The following LRRC37A2 variants were observed in gnomAD, a reference collection of about 807,000 sequenced individuals.
LRRC37A2 encodes leucine-rich repeat-containing protein 37A2.
LRRC37A2 carries 9 observed loss-of-function variants against 68.8 expected under a neutral mutation model. That is an observed-to-expected ratio of 0.13 (90% CI 0.08 to 0.23). LRRC37A2 has a LOEUF of 0.23. LRRC37A2 is among the 10% of genes least tolerant of loss of function. LRRC37A2 has a pLI of 1.00. For missense variants in LRRC37A2, 168 were observed against 950.4 expected (o/e 0.18, Z 10.82); for synonymous variants, 63 against 367.6 (o/e 0.17, Z 9.48).
the LRRC37A2 span, among the ~76,000 whole-genome samples, chr17:46,864,722 G>A: frequency 6.6e-6 from 1 of 152,102 alleles, no homozygotes; most frequent in Non-Finnish European, 1.5e-5. Flanking sequence ...AAACTGCCAG[G>A]CTTGGTGGAA....
the LRRC37A2 span, among the ~76,000 whole-genome samples, chr17:46,851,060 C>T: frequency 6.6e-6 from 1 of 152,240 alleles, no homozygotes; most frequent in Admixed American, 6.5e-5. This position sits in a 1 kb window ranked among gnomAD's most constrained non-coding sequence, Gnocchi z 4.3. Flanking sequence ...GCATTTCCCC[C>T]GCTTCCAGAG....
At chr17:46,823,369 C>A in the LRRC37A2 span, among the ~76,000 whole-genome samples, 1 of 150,758 alleles carries the variant, frequency 6.6e-6, no homozygotes, top group African/African-American at 2.4e-5. Flanking sequence ...TGCCCGCCAC[C>A]ACGCCTGACT....
chr17:46,769,765 G>A, the LRRC37A2 span: 82 of 1,608,154 alleles, frequency 5.1e-5, no homozygotes, highest in Admixed American at 4.0e-4. Flanking sequence ...AGGGTTTGGG[G>A]AGGGTAGCCG....
At chr17:46,657,293 T>C in the LRRC37A2 span, among the ~76,000 whole-genome samples, 5 of 141,496 alleles carry the variant, frequency 3.5e-5, no homozygotes, top group African/African-American at 1.0e-4. Context: ...TTTTGAAAAG[T>C]CAAATGTTAA....
At chr17:46,870,267 G>A in the LRRC37A2 span, among the ~76,000 whole-genome samples, 1 of 152,172 alleles carries the variant, frequency 6.6e-6, no homozygotes, top group Non-Finnish European at 1.5e-5. Context: ...GAGGACATTT[G>A]AGGGCAAGGT....
chr17:46,943,837 G>T, the LRRC37A2 span, among the ~76,000 whole-genome samples: 1 of 152,254 alleles, frequency 6.6e-6, no homozygotes, highest in South Asian at 2.1e-4. Flanking sequence ...CAGGACTGGG[G>T]AGAGAGAAGT....
chr17:46,978,710 T>G, the LRRC37A2 span: 7 of 1,612,004 alleles, frequency 4.3e-6, no homozygotes, highest in African/African-American at 2.7e-5. Flanking sequence ...ACCAGAAAGT[T>G]GATCATGCTC....
chr17:46,936,570 CAT>C, the LRRC37A2 span: 1 of 985,492 alleles, frequency 1.0e-6, no homozygotes, highest in Non-Finnish European at 1.2e-6. Context: ...TCAAAAGGAA[CAT>C]AGGAGAGGGC....
the LRRC37A2 span, chr17:46,763,516 A>AG: frequency 6.6e-6 from 1 of 152,198 alleles, no homozygotes; most frequent in East Asian, 1.9e-4. Context: ...CAGAGAGGAA[A>AG]GGACACAGTA....
chr17:46,901,173 A>T, the LRRC37A2 span, among the ~76,000 whole-genome samples: 5 of 151,854 alleles, frequency 3.3e-5, no homozygotes, highest in East Asian at 1.9e-4. Context: ...TATTATTATT[A>T]TTTTTTTAGA....
At chr17:46,785,860 G>A in the LRRC37A2 span, among the ~76,000 whole-genome samples, 1 of 152,026 alleles carries the variant, frequency 6.6e-6, no homozygotes, top group Non-Finnish European at 1.5e-5. Context: ...GAGGGAAGGG[G>A]TGTGGAGGGC....
chr17:46,657,634 C>A, the LRRC37A2 span, among the ~76,000 whole-genome samples: 1 of 126,514 alleles, frequency 7.9e-6, no homozygotes, highest in Non-Finnish European at 1.7e-5. Context: ...AGGTCTGTCA[C>A]ACTTAACGTC....
chr17:46,558,866 A>G (rs1598602282), downstream of LRRC37A2: 1 of 89,548 alleles, frequency 1.1e-5, no homozygotes, highest in African/African-American at 5.2e-5. Flanking sequence ...TTTTTCAGAG[A>G]CGGGCCTCAC....
the LRRC37A2 span, among the ~76,000 whole-genome samples, chr17:46,823,191 T>C: frequency 7.8e-6 from 1 of 127,576 alleles, no homozygotes; most frequent in South Asian, 2.2e-4. Context: ...TAATATATTA[T>C]ATATATTTAT....
the LRRC37A2 span, chr17:47,028,189 T>C: frequency 1.1e-6 from 1 of 878,178 alleles, no homozygotes; most frequent in Non-Finnish European, 1.9e-6. Context: ...TGAGGTTATG[T>C]TCCATCCTGT....
chr17:46,940,772 T>A, the LRRC37A2 span: 5 of 1,525,156 alleles, frequency 3.3e-6, no homozygotes, highest in Non-Finnish European at 1.8e-6. Flanking sequence ...GTCCTCTAGT[T>A]TGGAATAAAA....
At chr17:46,408,489 A>G in the LRRC37A2 span, among the ~76,000 whole-genome samples, 4 of 63,858 alleles carry the variant, frequency 6.3e-5, no homozygotes, top group Admixed American at 5.9e-4. Flanking sequence ...GTAAATATTG[A>G]TATCTACATG....
the LRRC37A2 span, chr17:46,941,798 T>C: frequency 8.2e-6 from 2 of 245,158 alleles, 1 homozygote; most frequent in South Asian, 3.1e-4. Flanking sequence ...GTTGACCAGA[T>C]TGGTCTTAAA....
the LRRC37A2 span, among the ~76,000 whole-genome samples, chr17:46,404,928 C>T: frequency 3.0e-5 from 3 of 100,882 alleles, no homozygotes; most frequent in Middle Eastern, 0.013. Flanking sequence ...TGTGGCTGGA[C>T]GCAGTGGCTC....
Sources: allele counts gnomAD v4.1 joint callset (sites outside exome capture counted in the v4.1 genomes callset), GRCh38; gene constraint gnomAD v4.1.1; non-coding constraint Gnocchi (gnomAD v3.1); transcripts MANE v1.5; gene names NCBI Gene and HGNC (gene_info 2026-07-23, HGNC 2026-07-21).